The following NPEPPS variants were observed in gnomAD, a reference collection of about 807,000 sequenced individuals.
NPEPPS encodes aminopeptidase puromycin sensitive.
A neutral mutation model predicts 115.5 loss-of-function variants in NPEPPS; 14 were observed. The observed-to-expected ratio is 0.12, with a 90% CI of 0.08 to 0.19. The LOEUF is 0.19. NPEPPS is among the 10% of genes least tolerant of loss of function. NPEPPS has a pLI of 1.00. For synonymous variants in NPEPPS, 285 were observed against 390.6 expected, an observed-to-expected ratio of 0.73 and a Z score of 3.19; for missense variants, 523 against 1,110.8, an observed-to-expected ratio of 0.47 and a Z score of 7.52.
At chr17:47,553,489 G>T (rs1323613702) in intron 2 of NPEPPS, among the ~76,000 whole-genome samples, 1 of 152,018 alleles carries the variant, frequency 6.6e-6, no homozygotes, top group African/African-American at 2.4e-5. Context: ...AGAAAATCTA[G>T]ATAAATGGAG....
intron 15 of NPEPPS, chr17:47,602,015 A>G (rs2143916831): frequency 2.8e-6 from 1 of 352,334 alleles, no homozygotes; most frequent in East Asian, 7.2e-5. Context: ...ATATGAACCA[A>G]AATATGTGTA....
intron 2 of NPEPPS, among the ~76,000 whole-genome samples, chr17:47,566,505 GTT>G (rs201456111): frequency 5.6e-4 from 69 of 124,246 alleles, no homozygotes; most frequent in Admixed American, 3.5e-3. Flanking sequence ...TAGGTTTTTT[GTT>G]TTTTTTTTTT....
chr17:47,545,285 C>T (rs1909118819), intron 1 of NPEPPS, among the ~76,000 whole-genome samples: 1 of 152,184 alleles, frequency 6.6e-6, no homozygotes, highest in Non-Finnish European at 1.5e-5. Flanking sequence ...GCATGAGCCA[C>T]TGTGCCCAGC....
chr17:47,592,849 C>T (rs1376471987), intron 12 of NPEPPS, among the ~76,000 whole-genome samples: 1 of 152,048 alleles, frequency 6.6e-6, no homozygotes, highest in African/African-American at 2.4e-5. Flanking sequence ...TGGTTTGCTG[C>T]ACCCATTAAC....
chr17:47,531,804 C>T lies in NPEPPS; in HGVS notation c.255+249C>T, dbSNP rs922813528. 1.9e-3 allele frequency among the ~76,000 whole-genome samples: 295 copies of T among 152,152 alleles called. 2 individuals are homozygous for T. Among genetic ancestry groups the T allele is most frequent in the African/African-American group, 7.0e-3 (292 of 41,558 alleles). On this transcript the variant is annotated intron_variant, in intron 1 of 22. Transcript: ENST00000322157. Reference sequence around the variant, plus strand: ...TCGGGCTGGGGCCGCGCTGCGGGAGCTCTGGGGAGCCGGCGGCCCGGCCAT... The same window carrying T: ...TCGGGCTGGGGCCGCGCTGCGGGAGTTCTGGGGAGCCGGCGGCCCGGCCAT...
chr17:47,619,793 A>G lies in NPEPPS; in HGVS notation c.2607+9A>G, dbSNP rs759856633. Reference sequence around the variant, plus strand: ...TGGCTGGAGAGGTTAAGGTAAGGAAAATACTGTTTACTCTTCACTTTTCAG... The same window carrying G: ...TGGCTGGAGAGGTTAAGGTAAGGAAGATACTGTTTACTCTTCACTTTTCAG... On this transcript the variant is annotated intron_variant, in intron 22 of 22. Coordinates refer to ENST00000322157, the MANE Select transcript of NPEPPS (RefSeq NM_006310.4). 2 of 1,601,844 alleles carry G rather than the reference A, an allele frequency of 1.2e-6. No homozygotes were observed. Among genetic ancestry groups the G allele is most frequent in the African/African-American group, 2.7e-5 (2 of 74,684 alleles).
chr17:47,573,964 A>G (rs1167241333), intron 3 of NPEPPS, among the ~76,000 whole-genome samples: 4 of 152,302 alleles, frequency 2.6e-5, no homozygotes, highest in East Asian at 1.9e-4. Flanking sequence ...TTAGAAGTCA[A>G]TAGAAAAAGA....
intron 17 of NPEPPS, among the ~76,000 whole-genome samples, chr17:47,611,967 T>G (rs1016161395): frequency 5.3e-5 from 8 of 152,254 alleles, no homozygotes; most frequent in Admixed American, 5.2e-4. Context: ...ATTTGCATTT[T>G]CCTAATGACT....
intron 2 of NPEPPS, among the ~76,000 whole-genome samples, chr17:47,554,166 A>G (rs2143747073): frequency 6.8e-6 from 1 of 147,982 alleles, no homozygotes; most frequent in Admixed American, 6.8e-5. Flanking sequence ...TCAGCCTCCC[A>G]AGTAGCTGGG....
In NPEPPS at chr17:47,599,175, G is replaced by C. The variant is rs1034484319; in HGVS notation, c.1537-501G>C. 4.7e-4 allele frequency among the ~76,000 whole-genome samples: 71 copies of C among 151,950 alleles called. 1 individual carries two copies. Among genetic ancestry groups the C allele is most frequent in the African/African-American group, 1.6e-3 (66 of 41,350 alleles). ...AATGTAAAAGGTTTCAACTTTCTCAGGGAAATCTGTGTGATATATAACTGA... is the reference window on the plus strand; with the variant it reads ...AATGTAAAAGGTTTCAACTTTCTCACGGAAATCTGTGTGATATATAACTGA... On this transcript the variant is annotated intron_variant, in intron 13 of 22. Transcript: ENST00000322157.
rs11301327 is a variant in NPEPPS, at chr17:47,555,347, CTT to C, written c.340+9370_340+9371del. On this transcript the variant is annotated intron_variant, in intron 2 of 22. Coordinates refer to ENST00000322157, the MANE Select transcript of NPEPPS (RefSeq NM_006310.4). ...TAGTAACATTGTAGTGTATGCTGTTCTTTTTTTTTTTTTTTTTGAGATGGAGT... is the reference window on the plus strand; with the variant it reads ...TAGTAACATTGTAGTGTATGCTGTTCTTTTTTTTTTTTTTTGAGATGGAGT... 7.5e-3 allele frequency among the ~76,000 whole-genome samples: 884 copies of C among 118,074 alleles called. 3 individuals carry two copies. Among genetic ancestry groups the C allele is most frequent in the African/African-American group, 0.02 (649 of 32,936 alleles). The allele number at this position is 118,074 out of a possible 152,430, so 77.5% of individuals were successfully genotyped here.
intron 2 of NPEPPS, among the ~76,000 whole-genome samples, chr17:47,549,497 C>T (rs1909478934): frequency 6.6e-6 from 1 of 151,662 alleles, no homozygotes; most frequent in African/African-American, 2.4e-5. Flanking sequence ...GAACTGGGGG[C>T]AGCCAGGTGT....
At position 47,618,379 on chromosome 17, in the gene NPEPPS, G is replaced by A; in HGVS notation, c.2325G>A (p.Glu775=). The change falls in exon 20 of 23, where the codon GAG becomes GAA. Residue 775 remains glutamate, a synonymous_variant. Coordinates refer to ENST00000322157, the MANE Select transcript of NPEPPS (RefSeq NM_006310.4). ...ATAAACAAGCAGATATGCAAGAAGA[G>A]AAAAACCGAATCGAAAGAGTCCTTG... ...KLHKQADMQE[E]KNRIERVLGA... The A allele has an allele frequency of 1.9e-6, 3 of 1,613,642 alleles. No individual in the cohort carries two copies. The highest frequency in any genetic ancestry group is 2.5e-6 in the Non-Finnish European group (3 of 1,179,746).
intron 2 of NPEPPS, among the ~76,000 whole-genome samples, chr17:47,556,405 T>C (rs1910037848): frequency 6.6e-6 from 1 of 152,018 alleles, no homozygotes; most frequent in Admixed American, 6.6e-5. Context: ...GGGGGTAAGG[T>C]CATAGATCAA....
intron 21 of NPEPPS, 105 bp downstream of exon 21, chr17:47,619,269 T>G: frequency 8.6e-7 from 1 of 1,166,694 alleles, no homozygotes; most frequent in South Asian, 1.4e-5. Context: ...AAATGTTTCC[T>G]GTGGCCAGGT....
chr17:47,570,002 G>C (rs1348053370), intron 3 of NPEPPS, among the ~76,000 whole-genome samples: 4 of 152,182 alleles, frequency 2.6e-5, no homozygotes, highest in African/African-American at 9.7e-5. Flanking sequence ...ACGAAAAGCA[G>C]GGTTTCCACC....
intron 2 of NPEPPS, among the ~76,000 whole-genome samples, chr17:47,564,197 C>T (rs1223528818): frequency 6.6e-6 from 1 of 151,922 alleles, no homozygotes; most frequent in African/African-American, 2.4e-5. Flanking sequence ...GTTGGGATTA[C>T]AGGTGTGAGA....
intron 17 of NPEPPS, among the ~76,000 whole-genome samples, chr17:47,607,429 C>T (rs1913582557): frequency 6.6e-6 from 1 of 152,144 alleles, no homozygotes; most frequent in Non-Finnish European, 1.5e-5. Context: ...CTGCTGAGTT[C>T]AGGACAAGAA....
At chr17:47,563,715 C>G (rs935704675) in intron 2 of NPEPPS, among the ~76,000 whole-genome samples, 1 of 151,976 alleles carries the variant, frequency 6.6e-6, no homozygotes, top group Non-Finnish European at 1.5e-5. Context: ...GGACTATAGG[C>G]ACGTGCCACC....
Sources: gnomAD v4.1 joint callset for allele counts (sites outside exome capture counted in the v4.1 genomes callset) on GRCh38, gnomAD v4.1.1 for gene constraint, MANE v1.5 for transcripts, NCBI Gene and HGNC (gene_info 2026-07-23, HGNC 2026-07-21) for gene names.